ENPP3: variants seen among roughly 807,000 people sequenced by gnomAD.
ENPP3 encodes the protein ectonucleotide pyrophosphatase/phosphodiesterase 3, also known as ectonucleotide pyrophosphatase/phosphodiesterase family member 3.
ENPP3 carries 104 observed loss-of-function variants against 117.8 expected under a neutral mutation model. That is an observed-to-expected ratio of 0.88 (90% CI 0.75 to 1.04). The LOEUF (loss-of-function observed/expected upper bound fraction) is 1.04. Ranked by LOEUF, ENPP3 falls within the 50% of genes least tolerant of loss-of-function variation. The pLI is 0.00. For synonymous variants in ENPP3, 380 were observed against 349.9 expected (o/e 1.09, Z -0.96); for missense variants, 1,026 against 1,051.9 (o/e 0.98, Z 0.34).
At chr6:131,687,720 T>C (rs1779184587) in intron 14 of ENPP3, among the ~76,000 whole-genome samples, 1 of 152,172 alleles carries the variant, frequency 6.6e-6, no homozygotes, top group Non-Finnish European at 1.5e-5. Flanking sequence ...AAAGAAGACA[T>C]ACAAGTAGCC....
rs1386267090 is a variant in ENPP3 at position 131,652,605 on chromosome 6, C to G, written c.341C>G (p.Ser114Cys). Residue 114 changes from serine to cysteine, a missense_variant, in exon 4 of 25, where the codon TCT becomes TGT. Transcript: ENST00000357639. ...ACCAGATTAGAGGCCAGCCTTTGCTCTTGTTCAGATGACTGTTTGCAGAGG... is the reference window on the plus strand; with the variant it reads ...ACCAGATTAGAGGCCAGCCTTTGCTGTTGTTCAGATGACTGTTTGCAGAGG... ...GETRLEASLCSCSDDCLQRKD... is the reference protein window; with the variant it reads ...GETRLEASLCCCSDDCLQRKD... The G allele has an allele frequency of 6.2e-7, 1 of 1,613,906 alleles. No homozygotes were observed. The highest frequency in any genetic ancestry group is 1.1e-5 in the South Asian group (1 of 91,078).
intron 6 of ENPP3, among the ~76,000 whole-genome samples, chr6:131,668,206 GTTT>G (rs557047103): frequency 0.044 from 3,040 of 69,330 alleles, 36 homozygotes; most frequent in African/African-American, 0.14. Flanking sequence ...CTCGCTCTGC[GTTT>G]TTTTTTTTTT....
intron 20 of ENPP3, among the ~76,000 whole-genome samples, chr6:131,732,042 AG>A (rs1171042795): frequency 6.6e-6 from 1 of 152,210 alleles, no homozygotes; most frequent in Non-Finnish European, 1.5e-5. Context: ...GACAGCATAC[AG>A]TGTATGTTGC....
Position 131,650,120 on chromosome 6 carries a change from G to A in ENPP3, c.248G>A (p.Trp83Ter), listed in dbSNP as rs148423655. The A allele has an allele frequency of 5.5e-5, 88 of 1,614,074 alleles. No individual in the cohort carries two copies. The East Asian group carries it at 5.6e-4, about 10-fold the overall frequency. ...VACKDRGDCC[W>*]DFEDTCVEST... ...TGTAAAGACCGAGGTGATTGCTGCT[G>A]GGATTTTGAAGACACCTGTGTGGAA... The change falls in exon 3 of 25, where the codon TGG (tryptophan) becomes TAG (stop). Residue 83 changes from tryptophan to a stop codon, truncating the protein, a stop_gained. Transcript: ENST00000357639. LOFTEE classifies it high-confidence loss of function.
intron 1 of ENPP3, among the ~76,000 whole-genome samples, chr6:131,640,876 TA>T (rs1477616335): frequency 2.6e-5 from 4 of 152,230 alleles, no homozygotes; most frequent in African/African-American, 9.6e-5. Context: ...ATGAATGACA[TA>T]AACAATCTTT....
chr6:131,722,378 T>G lies in ENPP3; in HGVS notation c.1719T>G (p.Leu573=). 1 of 1,614,018 alleles carries G rather than the reference T, an allele frequency of 6.2e-7. No individual in the cohort carries two copies. Among genetic ancestry groups the G allele is most frequent in the East Asian group, 2.2e-5 (1 of 44,878 alleles). ...CTAATCCATTGCCCACAGAGTCTCT[T>G]GACTGTTTCTGCCCTCACCTACAAA... is the stretch of plus-strand genomic sequence containing the variant. ...GFANPLPTES[L]DCFCPHLQNS... Residue 573 remains leucine, a synonymous_variant, in exon 18 of 25, where the codon CTT becomes CTG. Transcript: ENST00000357639.
intron 15 of ENPP3, among the ~76,000 whole-genome samples, chr6:131,696,699 A>C (rs1416298251): frequency 1.3e-5 from 2 of 151,176 alleles, no homozygotes; most frequent in Non-Finnish European, 2.9e-5. Context: ...CTGCTTGCCA[A>C]GCCTTGAACA....
At chr6:131,671,661 AT>A (rs1310872107) in intron 7 of ENPP3, among the ~76,000 whole-genome samples, 12 of 152,298 alleles carry the variant, frequency 7.9e-5, no homozygotes. Flanking sequence ...TAGGCTATAT[AT>A]AGGGACAACT....
At chr6:131,687,630 G>C (rs1195506572) in intron 14 of ENPP3, among the ~76,000 whole-genome samples, 2 of 152,010 alleles carry the variant, frequency 1.3e-5, no homozygotes, top group Non-Finnish European at 2.9e-5. Context: ...AGAATCTATA[G>C]GGAATTTAAA....
intron 7 of ENPP3, among the ~76,000 whole-genome samples, chr6:131,673,025 G>C (rs9321305): frequency 0.051 from 7,797 of 152,088 alleles, 382 homozygotes; most frequent in African/African-American, 0.13. Flanking sequence ...TAAATTCCTT[G>C]CTATTATTGA....
At chr6:131,677,973 A>G (rs1215342881) in intron 11 of ENPP3, 33 bp downstream of exon 11, 2 of 1,388,614 alleles carry the variant, frequency 1.4e-6, no homozygotes, top group Non-Finnish European at 2.0e-6. Flanking sequence ...GAAAAAAAAA[A>G]ATGTAAAATC....
intron 2 of ENPP3, among the ~76,000 whole-genome samples, chr6:131,643,982 T>C (rs1328645924): frequency 6.6e-6 from 1 of 151,650 alleles, no homozygotes; most frequent in Non-Finnish European, 1.5e-5. Flanking sequence ...AAATAACTTT[T>C]GAGTAATGAC....
chr6:131,690,732 C>T (rs1050610608), intron 14 of ENPP3, among the ~76,000 whole-genome samples: 2 of 151,732 alleles, frequency 1.3e-5, no homozygotes, highest in African/African-American at 4.8e-5. Context: ...GTAGAATGCC[C>T]ATTAGAGCAG....
Position 131,652,403 on chromosome 6 carries a change from G to A in ENPP3, c.278-139G>A, listed in dbSNP as rs374759081. ...AAAGTGGTGGTTTGCCCCTCATTTGGTATTATGTATTTTCATTTATTAATA... is the reference window on the plus strand; with the variant it reads ...AAAGTGGTGGTTTGCCCCTCATTTGATATTATGTATTTTCATTTATTAATA... On this transcript the variant is annotated intron_variant, in intron 3 of 24. Coordinates refer to ENST00000357639, the MANE Select transcript of ENPP3 (RefSeq NM_005021.5). 33 of 880,826 alleles carry A rather than the reference G, an allele frequency of 3.7e-5. No homozygotes were observed. In the African/African-American group the frequency reaches 5.3e-4, roughly 14 times the overall value. 54.6% of individuals were successfully genotyped at this position (880,826 alleles called of 1,614,324 possible).
At chr6:131,668,139 G>A (rs146874777) in intron 6 of ENPP3, among the ~76,000 whole-genome samples, 2,188 of 150,362 alleles carry the variant, frequency 0.015, 29 homozygotes, top group South Asian at 0.033. Flanking sequence ...ATTTCATTAT[G>A]CCAGTCTTAT....
chr6:131,733,786 G>A lies in ENPP3; in HGVS notation c.2089+63G>A, dbSNP rs2302166. 88 of 1,565,264 alleles carry A rather than the reference G, an allele frequency of 5.6e-5. No individual in the cohort carries two copies. The East Asian group carries it at 1.9e-3, about 33-fold the overall frequency. On this transcript the variant is annotated intron_variant, in intron 21 of 24. Coordinates refer to ENST00000357639, the MANE Select transcript of ENPP3 (RefSeq NM_005021.5). Reference sequence around the variant, plus strand: ...GCTCTCATCAGCTGGATGTGGGCATGTGCCTTAAACATATACTCCCCACCA... The same window carrying A: ...GCTCTCATCAGCTGGATGTGGGCATATGCCTTAAACATATACTCCCCACCA...
chr6:131,638,766 G>C (rs1777979137), intron 1 of ENPP3, among the ~76,000 whole-genome samples: 2 of 151,410 alleles, frequency 1.3e-5, no homozygotes. Context: ...TAATCCACCA[G>C]CTCTGACTTT....
chr6:131,638,202 C>T (rs1777967849), intron 1 of ENPP3, among the ~76,000 whole-genome samples: 1 of 152,128 alleles, frequency 6.6e-6, no homozygotes, highest in Non-Finnish European at 1.5e-5. Flanking sequence ...CCTTCATCCA[C>T]TTGAGTGTTC....
At chr6:131,745,616 C>G (rs1164607314) in intron 24 of ENPP3, among the ~76,000 whole-genome samples, 1 of 151,376 alleles carries the variant, frequency 6.6e-6, no homozygotes, top group Non-Finnish European at 1.5e-5. Context: ...AAAAAAAATC[C>G]AAAATAAAAA....
Sources: gnomAD v4.1 joint callset for allele counts (sites outside exome capture counted in the v4.1 genomes callset) on GRCh38, gnomAD v4.1.1 for gene constraint, MANE v1.5 for transcripts, NCBI Gene and HGNC (gene_info 2026-07-23, HGNC 2026-07-21) for gene names.